The following GPC5 variants were observed in gnomAD, a reference collection of about 807,000 sequenced individuals.
GPC5 encodes glypican 5, also known as glypican-5.
In GPC5, 47 loss-of-function variants were observed where a neutral mutation model predicts 53.9. The ratio of observed to expected loss-of-function variants is 0.87; its 90% CI spans 0.69 to 1.11. The LOEUF is 1.11. Ranked by LOEUF, GPC5 falls within the 50% of genes most tolerant of loss-of-function variation. The pLI is 0.00. For synonymous variants in GPC5, 286 were observed against 263.3 expected (o/e 1.09, Z -0.84); for missense variants, 748 against 713.1 (o/e 1.05, Z -0.56).
At chr13:91,741,672 T>C (rs898580308) in intron 4 of GPC5, among the ~76,000 whole-genome samples, 4 of 152,210 alleles carry the variant, frequency 2.6e-5, no homozygotes, top group African/African-American at 9.6e-5. Flanking sequence ...TCTTATCTAA[T>C]ACAACACTTT....
chr13:92,478,412 A>G (rs1879229501), intron 7 of GPC5, among the ~76,000 whole-genome samples: 1 of 152,172 alleles, frequency 6.6e-6, no homozygotes, highest in African/African-American at 2.4e-5. Context: ...TACATATATG[A>G]ACTGAATCTC....
intron 6 of GPC5, among the ~76,000 whole-genome samples, chr13:91,913,410 A>AG (rs1464270674): frequency 2.6e-5 from 4 of 151,144 alleles, no homozygotes; most frequent in African/African-American, 9.7e-5. Context: ...AAAAAAAAAA[A>AG]GGGAAAAGAA....
intron 7 of GPC5, among the ~76,000 whole-genome samples, chr13:92,591,696 T>C (rs1883716129): frequency 6.6e-6 from 1 of 152,084 alleles, no homozygotes; most frequent in Admixed American, 6.6e-5. Flanking sequence ...AATTCATTTC[T>C]CCTATCTAAC....
intron 7 of GPC5, among the ~76,000 whole-genome samples, chr13:92,717,587 C>T (rs1888373515): frequency 6.6e-6 from 1 of 152,124 alleles, no homozygotes; most frequent in Non-Finnish European, 1.5e-5. Context: ...TACCACACAT[C>T]AAATGTGTAT....
chr13:92,102,754 TTG>T (rs1322705298), intron 6 of GPC5, among the ~76,000 whole-genome samples: 1 of 152,082 alleles, frequency 6.6e-6, no homozygotes, highest in East Asian at 1.9e-4. Flanking sequence ...TAGTGTAGGG[TTG>T]TGTCATGAAC....
intron 5 of GPC5, among the ~76,000 whole-genome samples, chr13:91,768,675 A>G (rs2037567937): frequency 6.6e-6 from 1 of 152,232 alleles, no homozygotes; most frequent in African/African-American, 2.4e-5. Flanking sequence ...ATATTAGATC[A>G]TTAAACCAAC....
In GPC5 at chr13:92,613,088, T is replaced by C. The variant is rs1884493024; in HGVS notation, c.1562-253194T>C. Among the ~76,000 whole-genome samples the C allele has an allele frequency of 3.3e-5, 5 of 150,608 alleles. No homozygotes were observed. In the South Asian group the frequency reaches 1.0e-3, roughly 31 times the overall value. ...TAACTTTACCTAAATGATCGAGACT[T>C]TGATTAAGGAAGGCTTTATAGAAGC... On this transcript the variant is annotated intron_variant, in intron 7 of 7. Transcript: ENST00000377067.
At chr13:92,471,665 GTAAT>G (rs1228356194) in intron 7 of GPC5, among the ~76,000 whole-genome samples, 1 of 152,112 alleles carries the variant, frequency 6.6e-6, no homozygotes, top group Non-Finnish European at 1.5e-5. Flanking sequence ...GAGAATGAGA[GTAAT>G]TAGGAGAATT....
chr13:91,455,054 T>C (rs151226926), intron 2 of GPC5, among the ~76,000 whole-genome samples: 5 of 152,276 alleles, frequency 3.3e-5, no homozygotes, highest in African/African-American at 1.2e-4. Context: ...ATCCCTTTTA[T>C]CCATTTAATT....
At chr13:91,430,439 T>C (rs1879364750) in intron 1 of GPC5, among the ~76,000 whole-genome samples, 1 of 152,228 alleles carries the variant, frequency 6.6e-6, no homozygotes, top group South Asian at 2.1e-4. Flanking sequence ...CAATAAAATA[T>C]GAAGAGAAGT....
At chr13:92,792,214 G>A (rs1448220607) in intron 7 of GPC5, among the ~76,000 whole-genome samples, 3 of 151,988 alleles carry the variant, frequency 2.0e-5, no homozygotes, top group Non-Finnish European at 2.9e-5. Flanking sequence ...CAGATCTCTC[G>A]GCAGAAACCC....
chr13:92,110,383 T>C (rs1425353477), intron 6 of GPC5, among the ~76,000 whole-genome samples: 1 of 152,216 alleles, frequency 6.6e-6, no homozygotes, highest in East Asian at 1.9e-4. Flanking sequence ...ATCAGACTGA[T>C]CATGTTTTGC....
intron 2 of GPC5, among the ~76,000 whole-genome samples, chr13:91,659,744 T>TC (rs1485826360): frequency 6.6e-6 from 1 of 152,056 alleles, no homozygotes; most frequent in South Asian, 2.1e-4. Context: ...TTACCACCTG[T>TC]CCCCCACCGC....
At chr13:92,094,301 AG>A (rs1302849881) in intron 6 of GPC5, among the ~76,000 whole-genome samples, 1 of 152,008 alleles carries the variant, frequency 6.6e-6, no homozygotes, top group African/African-American at 2.4e-5. Flanking sequence ...TGGATCACGA[AG>A]TCAGTAGATT....
intron 7 of GPC5, among the ~76,000 whole-genome samples, chr13:92,421,567 C>T (rs751287505): frequency 6.6e-6 from 1 of 151,560 alleles, no homozygotes; most frequent in East Asian, 2.0e-4. Flanking sequence ...GGCGTGGTGG[C>T]GGGCACCTGT....
chr13:92,186,487 C>A (rs1447737165), intron 7 of GPC5, among the ~76,000 whole-genome samples: 1 of 151,658 alleles, frequency 6.6e-6, no homozygotes, highest in Non-Finnish European at 1.5e-5. Flanking sequence ...AAATAGGTTT[C>A]TATAATAAAA....
intron 7 of GPC5, among the ~76,000 whole-genome samples, chr13:92,772,192 C>T (rs993724214): frequency 6.6e-6 from 1 of 152,138 alleles, no homozygotes; most frequent in Non-Finnish European, 1.5e-5. Context: ...TGATTCCAAC[C>T]TTGTTTTCTA....
chr13:91,617,092 T>A (rs137971826), intron 2 of GPC5, among the ~76,000 whole-genome samples: 1 of 152,266 alleles, frequency 6.6e-6, no homozygotes, highest in East Asian at 1.9e-4. Context: ...ATTGATTTGT[T>A]TACCAAACAG....
intron 7 of GPC5, among the ~76,000 whole-genome samples, chr13:92,666,091 A>G (rs1314691609): frequency 6.6e-6 from 1 of 152,214 alleles, no homozygotes; most frequent in Non-Finnish European, 1.5e-5. Flanking sequence ...AAAATAAGTT[A>G]CATAAAATAC....
Sources: gnomAD v4.1 joint callset for allele counts (sites outside exome capture counted in the v4.1 genomes callset) on GRCh38, gnomAD v4.1.1 for gene constraint, MANE v1.5 for transcripts, NCBI Gene and HGNC (gene_info 2026-07-23, HGNC 2026-07-21) for gene names.